AGPAT3: variants seen among roughly 807,000 people sequenced by gnomAD.
The protein encoded by AGPAT3 is 1-acylglycerol-3-phosphate O-acyltransferase 3, also known as 1-acyl-sn-glycerol-3-phosphate acyltransferase gamma.
In AGPAT3, 5 loss-of-function variants were observed where a neutral mutation model predicts 47.3. The observed-to-expected ratio is 0.11, with a 90% CI of 0.06 to 0.22. The LOEUF is 0.22. Ranked by LOEUF, AGPAT3 falls within the 10% of genes least tolerant of loss-of-function variation. The pLI is 1.00. For missense variants in AGPAT3, 315 were observed against 493.0 expected, an observed-to-expected ratio of 0.64 and a Z score of 3.42; for synonymous variants, 212 against 208.3, an observed-to-expected ratio of 1.02 and a Z score of -0.15.
chr21:43,930,850 C>T lies in AGPAT3; in HGVS notation c.-49+26831C>T, dbSNP rs2087218182. Among the ~76,000 whole-genome samples, 1 of 152,162 alleles carries T rather than the reference C, an allele frequency of 6.6e-6. No homozygotes were observed. The highest frequency in any genetic ancestry group is 2.4e-5 in the African/African-American group (1 of 41,444). ...GTCCTCAAGCTGCTGGTGACAAACG[C>T]AAGGGGCCTGCTGCCCTGTCCCCTC... On this transcript the variant is annotated intron_variant, in intron 2 of 9. Transcript: ENST00000291572. This position sits in a 1 kb window ranked among gnomAD's most constrained non-coding sequence, Gnocchi z 5.0.
chr21:43,891,147 G>A (rs7280421), intron 1 of AGPAT3, among the ~76,000 whole-genome samples: 16,846 of 152,248 alleles, frequency 0.11, 1,834 homozygotes, highest in African/African-American at 0.28. Context: ...AGCACGTGAT[G>A]TCATTTGATA....
rs777642168 is a variant in AGPAT3, at chr21:43,978,067, C to T, written c.789C>T (p.Ile263=). 1.2e-6 allele frequency: 2 copies of T among 1,613,516 alleles called. No individual in the cohort carries two copies. Among genetic ancestry groups the T allele is most frequent in the South Asian group, 2.2e-5 (2 of 90,910 alleles). Residue 263 remains isoleucine, a synonymous_variant, in exon 8 of 10, where the codon ATC becomes ATT. Coordinates refer to ENST00000291572, the MANE Select transcript of AGPAT3 (RefSeq NM_020132.5). ...MCVRRFPLED[I]PLDEKEAAQW... ...ACAGGAGATTTCCTCTGGAAGACAT[C>T]CCGCTGGATGAAAAGGAAGCAGCTC... is the stretch of plus-strand genomic sequence containing the variant.
intron 1 of AGPAT3, chr21:43,866,580 C>G (rs959740122): frequency 1.3e-4 from 20 of 152,258 alleles, no homozygotes; most frequent in African/African-American, 4.3e-4. Flanking sequence ...GCCGCCCCCC[C>G]TCCCTCTTTC....
intron 1 of AGPAT3, among the ~76,000 whole-genome samples, chr21:43,896,259 T>C (rs2086214890): frequency 6.6e-6 from 1 of 152,234 alleles, no homozygotes; most frequent in South Asian, 2.1e-4. Context: ...TAACTTTTTG[T>C]TACTTTTTTT....
chr21:43,976,090 CGG>C (rs1187479101), intron 7 of AGPAT3, among the ~76,000 whole-genome samples: 1 of 145,100 alleles, frequency 6.9e-6, no homozygotes, highest in African/African-American at 2.6e-5. Flanking sequence ...TTTTTTGAGA[CGG>C]AGTCTCGCTC....
intron 1 of AGPAT3, 86 bp downstream of exon 1, chr21:43,865,431 C>T (rs1045497129): frequency 4.4e-4 from 64 of 146,758 alleles, no homozygotes; most frequent in Admixed American, 6.1e-4. Context: ...CTCCCGCCGC[C>T]GGAGGTCGCC....
rs1047833762 is a variant in AGPAT3 at position 43,986,466 on chromosome 21, C to T, written c.*4074C>T. 2.6e-5 allele frequency: 4 copies of T among 152,546 alleles called. No individual in the cohort carries two copies. The highest frequency in any genetic ancestry group is 2.1e-4 in the South Asian group (1 of 4,830). 9.4% of individuals were successfully genotyped at this position (152,546 alleles called of 1,614,324 possible). ...GTTGCACAAGTATTTGGACAGAAGT[C>T]GAACTGTGAATGAGATACTGAAATG... On this transcript the variant is annotated 3_prime_UTR_variant, in exon 10 of 10. Transcript: ENST00000291572.
intron 2 of AGPAT3, among the ~76,000 whole-genome samples, chr21:43,910,725 G>C (rs2086613638): frequency 6.6e-6 from 1 of 151,830 alleles, no homozygotes; most frequent in South Asian, 2.1e-4. Flanking sequence ...TGAGGGGAGA[G>C]CAAAGGGCTC....
rs1010107766 is a variant in AGPAT3, at chr21:43,908,458, C to T, written c.-49+4439C>T. Among the ~76,000 whole-genome samples the T allele has an allele frequency of 6.6e-5, 10 of 152,148 alleles. No individual in the cohort carries two copies. Among genetic ancestry groups the T allele is most frequent in the Admixed American group, 3.9e-4 (6 of 15,286 alleles). ...CTTGTGGAACCCGGTGTGTATGACT[C>T]GCTCCGTGATTCATAACAAGGCATT... is the stretch of plus-strand genomic sequence containing the variant. On this transcript the variant is annotated intron_variant, in intron 2 of 9. Coordinates refer to ENST00000291572, the MANE Select transcript of AGPAT3 (RefSeq NM_020132.5). This position sits in a 1 kb window ranked among gnomAD's most constrained non-coding sequence, Gnocchi z 4.9.
chr21:43,906,472 G>T (rs553905275), intron 2 of AGPAT3, among the ~76,000 whole-genome samples: 1 of 152,048 alleles, frequency 6.6e-6, no homozygotes, highest in African/African-American at 2.4e-5. Flanking sequence ...TCAGAGAAAC[G>T]AACTTTTTAA....
chr21:43,890,130 T>G (rs1170333770), intron 1 of AGPAT3, among the ~76,000 whole-genome samples: 2 of 152,172 alleles, frequency 1.3e-5, no homozygotes, highest in Non-Finnish European at 2.9e-5. Context: ...TGGGAGGGGA[T>G]CGGATCCTGG....
Position 43,971,489 on chromosome 21 carries a change from A to C in AGPAT3, c.766A>C (p.Arg256=). Residue 256 remains arginine (R), a splice_region_variant and synonymous_variant, in exon 7 of 10, where the codon AGG becomes CGG. Coordinates refer to ENST00000291572, the MANE Select transcript of AGPAT3 (RefSeq NM_020132.5). ...GAAGTACGAGGCGGACATGTGCGTGAGGTGAGGCCAGACCCTGTGGCTCTC... is the reference window on the plus strand; with the variant it reads ...GAAGTACGAGGCGGACATGTGCGTGCGGTGAGGCCAGACCCTGTGGCTCTC... The part of the protein sequence containing the change: ...GKKYEADMCV[R]RFPLEDIPLD... The C allele has an allele frequency of 6.2e-7, 1 of 1,614,090 alleles. No homozygotes were observed. Among genetic ancestry groups the C allele is most frequent in the Non-Finnish European group, 8.5e-7 (1 of 1,179,940 alleles).
At chr21:43,966,024 A>G (rs1005777293) in intron 3 of AGPAT3, 1 of 152,378 alleles carries the variant, frequency 6.6e-6, no homozygotes, top group South Asian at 2.1e-4. Context: ...AAGGAATTTC[A>G]TATCGGGCCC....
chr21:43,885,737 ACT>A (rs1336057389), intron 1 of AGPAT3, among the ~76,000 whole-genome samples: 1 of 152,106 alleles, frequency 6.6e-6, no homozygotes, highest in African/African-American at 2.4e-5. Flanking sequence ...TTGTTTGATG[ACT>A]CTGTGGCCCC....
chr21:43,937,682 G>A (rs543255175), intron 2 of AGPAT3, among the ~76,000 whole-genome samples: 7 of 152,250 alleles, frequency 4.6e-5, no homozygotes, highest in Non-Finnish European at 8.8e-5. Context: ...TCCTGCCTCC[G>A]AAAGTGCTGG....
At chr21:43,909,580 G>A (rs1341416116) in intron 2 of AGPAT3, among the ~76,000 whole-genome samples, 1 of 152,258 alleles carries the variant, frequency 6.6e-6, no homozygotes, top group Non-Finnish European at 1.5e-5. Context: ...CCAGGCATGA[G>A]CCACTGTACC....
At chr21:43,966,645 TG>T (rs2089143601) in intron 3 of AGPAT3, 1 of 152,292 alleles carries the variant, frequency 6.6e-6, no homozygotes, top group Non-Finnish European at 1.5e-5. Context: ...CTGGCCATCC[TG>T]GGCTGAGCTG....
chr21:43,885,814 C>T lies in AGPAT3; in HGVS notation c.-111-18143C>T, dbSNP rs1447465120. Among the ~76,000 whole-genome samples, 6 of 142,152 alleles carry T rather than the reference C, an allele frequency of 4.2e-5. No homozygotes were observed. In the East Asian group the frequency reaches 1.2e-3, roughly 28 times the overall value. The allele number at this position is 142,152 out of a possible 152,430, so 93.3% of individuals were successfully genotyped here. On this transcript the variant is annotated intron_variant, in intron 1 of 9. Transcript: ENST00000291572. ...TTTGTGGCACAGGCGAGGGGAGCCACAGGTGAAGGTGTGCAGGTGCGCAGG... is the reference window on the plus strand; with the variant it reads ...TTTGTGGCACAGGCGAGGGGAGCCATAGGTGAAGGTGTGCAGGTGCGCAGG...
At position 43,934,483 on chromosome 21, in the gene AGPAT3, G is replaced by T. The variant is rs1601348300; in HGVS notation, c.-48-25151G>T. On this transcript the variant is annotated intron_variant, in intron 2 of 9. Coordinates refer to ENST00000291572, the MANE Select transcript of AGPAT3 (RefSeq NM_020132.5). This position sits in a 1 kb window ranked among gnomAD's most constrained non-coding sequence, Gnocchi z 4.7. ...CAGGAGGCTGGGCCTCCACTAGGAT[G>T]TTATACAGGCAGCATGGCTTAGGTG... 6.6e-6 allele frequency among the ~76,000 whole-genome samples: 1 copy of T among 152,250 alleles called. No homozygotes were observed. The highest frequency in any genetic ancestry group is 1.9e-4 in the East Asian group (1 of 5,204).
Sources: gnomAD v4.1 joint callset for allele counts (sites outside exome capture counted in the v4.1 genomes callset) on GRCh38, gnomAD v4.1.1 for gene constraint, Gnocchi (gnomAD v3.1) non-coding constraint, MANE v1.5 for transcripts, NCBI Gene and HGNC (gene_info 2026-07-23, HGNC 2026-07-21) for gene names.